Variants in ARK2C observed in about 807,000 individuals in gnomAD.
ARK2C encodes E3 ubiquitin-protein ligase ARK2C.
At chr18:46,452,180 T>C in the ARK2C span, among the ~76,000 whole-genome samples, 1 of 152,216 alleles carries the variant, frequency 6.6e-6, no homozygotes, top group African/African-American at 2.4e-5. Flanking sequence ...TACTGGTTCA[T>C]TGATTGTAAC....
At chr18:46,426,197 C>T in the ARK2C span, among the ~76,000 whole-genome samples, 2 of 152,162 alleles carry the variant, frequency 1.3e-5, no homozygotes, top group African/African-American at 4.8e-5. Context: ...ACTCCCTGGG[C>T]TCTGTTCCCT....
the ARK2C span, chr18:46,447,483 T>G: frequency 6.5e-7 from 1 of 1,529,334 alleles, no homozygotes; most frequent in African/African-American, 1.4e-5. Context: ...TTCTACTCCA[T>G]AGGCTTGATG....
At chr18:46,383,550 G>GTT in the ARK2C span, among the ~76,000 whole-genome samples, 2,529 of 97,816 alleles carry the variant, frequency 0.026, 104 homozygotes, top group African/African-American at 0.052. Context: ...GGTTTTCTCT[G>GTT]TTTTTTTTTT....
At chr18:46,336,944 C>T in the ARK2C span, 1 of 985,414 alleles carries the variant, frequency 1.0e-6, no homozygotes, top group South Asian at 4.7e-5. Context: ...AAACTTGGTG[C>T]ACCAAGGTCC....
chr18:46,334,284 G>C, the ARK2C span: 1 of 1,574,990 alleles, frequency 6.3e-7, no homozygotes, highest in Non-Finnish European at 8.6e-7. The surrounding 1 kb of genome is among the most constrained non-coding windows in gnomAD (Gnocchi z 4.4). Flanking sequence ...GATGGTCCTG[G>C]TCCACGTCGG....
At chr18:46,367,700 G>A in the ARK2C span, among the ~76,000 whole-genome samples, 5 of 152,242 alleles carry the variant, frequency 3.3e-5, no homozygotes, top group East Asian at 1.9e-4. Context: ...AACTGGCCTC[G>A]GTGTCCCCAC....
chr18:46,406,571 T>C, the ARK2C span, among the ~76,000 whole-genome samples: 2 of 152,340 alleles, frequency 1.3e-5, no homozygotes, highest in East Asian at 3.9e-4. Context: ...AGAGAGGTCC[T>C]GGCTTGCCCA....
the ARK2C span, among the ~76,000 whole-genome samples, chr18:46,409,361 T>A: frequency 1.3e-5 from 2 of 152,050 alleles, no homozygotes; most frequent in Admixed American, 6.6e-5. Flanking sequence ...AGGGAAGGAA[T>A]GAGCTCAAGG....
the ARK2C span, among the ~76,000 whole-genome samples, chr18:46,338,765 A>C: frequency 1.3e-5 from 2 of 152,204 alleles, no homozygotes; most frequent in African/African-American, 4.8e-5. Context: ...GACACTGAGG[A>C]AATGAGTTGA....
the ARK2C span, among the ~76,000 whole-genome samples, chr18:46,402,146 G>A: frequency 6.6e-6 from 1 of 152,182 alleles, no homozygotes; most frequent in Non-Finnish European, 1.5e-5. Flanking sequence ...AATTTAAAGT[G>A]TATATTTGGT....
At chr18:46,336,690 TG>T in the ARK2C span, 2 of 985,314 alleles carry the variant, frequency 2.0e-6, no homozygotes, top group Non-Finnish European at 2.4e-6. Flanking sequence ...TAACCATTTT[TG>T]TATCTTCATC....
chr18:46,364,223 T>C, the ARK2C span, among the ~76,000 whole-genome samples: 68,891 of 151,718 alleles, frequency 0.45, 16,661 homozygotes, highest in East Asian at 0.63. Flanking sequence ...GCTGGGATTA[T>C]AGCCATGAGC....
chr18:46,367,033 A>G, the ARK2C span, among the ~76,000 whole-genome samples: 1 of 152,228 alleles, frequency 6.6e-6, no homozygotes, highest in Non-Finnish European at 1.5e-5. Flanking sequence ...AGAAAAAATC[A>G]CCAAGCAAAA....
At chr18:46,451,382 A>AT in the ARK2C span, among the ~76,000 whole-genome samples, 2 of 151,094 alleles carry the variant, frequency 1.3e-5, no homozygotes, top group Non-Finnish European at 1.5e-5. Context: ...TGAGTTTAAA[A>AT]TTTTTTTTTT....
chr18:46,402,280 G>C, the ARK2C span, among the ~76,000 whole-genome samples: 1 of 152,164 alleles, frequency 6.6e-6, no homozygotes, highest in South Asian at 2.1e-4. Context: ...CTATGTGCTA[G>C]AATCTGTTAA....
At chr18:46,412,373 T>C in the ARK2C span, among the ~76,000 whole-genome samples, 1 of 152,226 alleles carries the variant, frequency 6.6e-6, no homozygotes, top group Non-Finnish European at 1.5e-5. Context: ...CCACTAAGCC[T>C]GCAGGCAAAC....
the ARK2C span, among the ~76,000 whole-genome samples, chr18:46,453,913 G>C: frequency 6.6e-6 from 1 of 151,726 alleles, no homozygotes; most frequent in Non-Finnish European, 1.5e-5. Context: ...AGGAGTTTGA[G>C]ACCAGCCTGG....
the ARK2C span, among the ~76,000 whole-genome samples, chr18:46,389,935 C>A: frequency 1.3e-5 from 2 of 152,052 alleles, no homozygotes; most frequent in East Asian, 3.9e-4. Flanking sequence ...TGCCATGTTG[C>A]CCAGGCTGGT....
chr18:46,365,848 G>A, the ARK2C span, among the ~76,000 whole-genome samples: 1 of 152,140 alleles, frequency 6.6e-6, no homozygotes, highest in Non-Finnish European at 1.5e-5. Context: ...TTTGCATGGG[G>A]GTGAGGGTGT....
Sources: allele counts gnomAD v4.1 joint callset (sites outside exome capture counted in the v4.1 genomes callset), GRCh38; gene constraint gnomAD v4.1.1; non-coding constraint Gnocchi (gnomAD v3.1); transcripts MANE v1.5; gene names NCBI Gene and HGNC (gene_info 2026-07-23, HGNC 2026-07-21).